Variants in KCNB2 observed in about 807,000 individuals in gnomAD.
KCNB2 encodes potassium voltage-gated channel subfamily B member 2.
A neutral mutation model predicts 61.5 loss-of-function variants in KCNB2; 15 were observed. The observed-to-expected ratio is 0.24, with a 90% CI of 0.16 to 0.38. KCNB2 has a LOEUF of 0.38. Ranked by LOEUF, KCNB2 falls within the 10% of genes least tolerant of loss-of-function variation. The probability of loss-of-function intolerance (pLI) is 1.00; values close to 1 mark genes in which losing one functional copy is unlikely to be tolerated. For missense variants in KCNB2, 828 were observed against 1,125.2 expected (o/e 0.74, Z 3.78); for synonymous variants, 457 against 446.0 (o/e 1.02, Z -0.31).
chr8:72,739,395 G>A (rs964539088), intron 2 of KCNB2, among the ~76,000 whole-genome samples: 2 of 152,078 alleles, frequency 1.3e-5, no homozygotes, highest in Non-Finnish European at 2.9e-5. Flanking sequence ...GACGAGTAGA[G>A]AAGTTTTTCA....
intron 2 of KCNB2, among the ~76,000 whole-genome samples, chr8:72,808,621 C>T (rs938791088): frequency 1.3e-5 from 2 of 152,058 alleles, no homozygotes; most frequent in African/African-American, 4.8e-5. Flanking sequence ...AAATATTAGC[C>T]ATGAAGCTTT....
chr8:72,936,522 T>G lies in KCNB2; in HGVS notation c.1167T>G (p.Pro389=). 2 of 1,614,226 alleles carry G rather than the reference T, an allele frequency of 1.2e-6. No individual in the cohort carries two copies. Among genetic ancestry groups the G allele is most frequent in the South Asian group, 2.2e-5 (2 of 91,082 alleles). ...MTTVGYGDIY[P]KTLLGKIVGG... ...CTGTTGGCTATGGTGACATTTACCCTAAAACATTACTAGGGAAAATTGTGG... is the reference window on the plus strand; with the variant it reads ...CTGTTGGCTATGGTGACATTTACCCGAAAACATTACTAGGGAAAATTGTGG... Residue 389 remains proline (P), a synonymous_variant, in exon 3 of 3, where the codon CCT becomes CCG. Coordinates refer to ENST00000523207, the MANE Select transcript of KCNB2 (RefSeq NM_004770.3). The surrounding 1 kb of genome is among the most constrained non-coding windows in gnomAD (Gnocchi z 5.6).
At chr8:72,751,006 A>G (rs1327073923) in intron 2 of KCNB2, 1 of 152,138 alleles carries the variant, frequency 6.6e-6, no homozygotes, top group Non-Finnish European at 1.5e-5. Flanking sequence ...ATCTGTCTCC[A>G]GTTACTCCTG....
At chr8:72,660,283 G>T (rs1242897012) in intron 2 of KCNB2, among the ~76,000 whole-genome samples, 2 of 152,142 alleles carry the variant, frequency 1.3e-5, no homozygotes, top group African/African-American at 2.4e-5. Context: ...GTCTGCCAGC[G>T]CATGGAGCCC....
At chr8:72,569,143 A>G (rs1208940448) in intron 2 of KCNB2, among the ~76,000 whole-genome samples, 1 of 152,140 alleles carries the variant, frequency 6.6e-6, no homozygotes, top group African/African-American at 2.4e-5. Flanking sequence ...TTCACTCCAT[A>G]TATTTAGTTC....
chr8:72,916,712 T>C (rs1806408112), intron 2 of KCNB2, among the ~76,000 whole-genome samples: 1 of 152,198 alleles, frequency 6.6e-6, no homozygotes, highest in Non-Finnish European at 1.5e-5. Flanking sequence ...GGAGATTTTA[T>C]TGTTAATGAA....
chr8:72,718,286 C>G (rs1807481893), intron 2 of KCNB2, among the ~76,000 whole-genome samples: 1 of 152,142 alleles, frequency 6.6e-6, no homozygotes, highest in African/African-American at 2.4e-5. Context: ...ACTAGAAATA[C>G]CATTTGACCC....
intron 2 of KCNB2, among the ~76,000 whole-genome samples, chr8:72,791,399 A>G (rs975437429): frequency 2.6e-5 from 4 of 152,086 alleles, no homozygotes; most frequent in Non-Finnish European, 5.9e-5. Flanking sequence ...AAAATAAAAA[A>G]TTAGCCAAGC....
intron 2 of KCNB2, among the ~76,000 whole-genome samples, chr8:72,722,555 T>C (rs1585853075): frequency 6.6e-6 from 1 of 152,328 alleles, no homozygotes; most frequent in East Asian, 1.9e-4. Context: ...TTTGTAGTAC[T>C]TGTCAGAGTT....
chr8:72,849,256 G>A (rs965365770), intron 2 of KCNB2, among the ~76,000 whole-genome samples: 5 of 151,610 alleles, frequency 3.3e-5, no homozygotes, highest in Middle Eastern at 6.9e-3. Context: ...GGTACATGGT[G>A]CTGTTTCAAT....
chr8:72,635,725 G>T (rs1324327690), intron 2 of KCNB2, among the ~76,000 whole-genome samples: 1 of 152,146 alleles, frequency 6.6e-6, no homozygotes, highest in Non-Finnish European at 1.5e-5. Context: ...TTGGTGTGTG[G>T]CATATAAAGA....
At chr8:72,897,267 G>C (rs1806007111) in intron 2 of KCNB2, among the ~76,000 whole-genome samples, 1 of 134,786 alleles carries the variant, frequency 7.4e-6, no homozygotes, top group African/African-American at 2.9e-5. Flanking sequence ...ACAAAATCAA[G>C]TGAAAATAAA....
rs191871343 is a variant in KCNB2, at chr8:72,809,181, T to C, written c.580-126754T>C. 8.5e-5 allele frequency among the ~76,000 whole-genome samples: 13 copies of C among 152,306 alleles called. No homozygotes were observed. The East Asian group carries it at 2.3e-3, about 27-fold the overall frequency. On this transcript the variant is annotated intron_variant, in intron 2 of 2. Coordinates refer to ENST00000523207, the MANE Select transcript of KCNB2 (RefSeq NM_004770.3). ...CTTTAGATCTAGTAAGGTACTCTCC[T>C]GTGTTTTCCTTTAAATGCCCAGATC...
At chr8:72,663,612 T>G (rs1806414829) in intron 2 of KCNB2, among the ~76,000 whole-genome samples, 1 of 152,128 alleles carries the variant, frequency 6.6e-6, no homozygotes, top group African/African-American at 2.4e-5. Context: ...CAAGAAAGGG[T>G]TCCATTGCTT....
At chr8:72,662,149 C>T (rs899557800) in intron 2 of KCNB2, among the ~76,000 whole-genome samples, 4 of 152,172 alleles carry the variant, frequency 2.6e-5, no homozygotes, top group African/African-American at 9.7e-5. Context: ...ACTCCCATAG[C>T]AATCCATGGG....
At chr8:72,650,244 CTAA>C (rs1447000994) in intron 2 of KCNB2, among the ~76,000 whole-genome samples, 1 of 152,146 alleles carries the variant, frequency 6.6e-6, no homozygotes, top group Non-Finnish European at 1.5e-5. Flanking sequence ...GTCCATTTAA[CTAA>C]TGATTCCAGA....
intron 2 of KCNB2, among the ~76,000 whole-genome samples, chr8:72,693,451 A>T (rs141424803): frequency 2.8e-4 from 42 of 152,128 alleles, no homozygotes; most frequent in Admixed American, 1.1e-3. Context: ...GGCTTGAGAG[A>T]CTGTGCCATA....
intron 2 of KCNB2, among the ~76,000 whole-genome samples, chr8:72,802,886 A>G (rs1018502523): frequency 2.0e-5 from 3 of 152,200 alleles, no homozygotes; most frequent in African/African-American, 4.8e-5. Flanking sequence ...TCACATCAAT[A>G]AAAGGTTTTC....
intron 2 of KCNB2, among the ~76,000 whole-genome samples, chr8:72,725,351 A>C (rs1162889044): frequency 1.1e-4 from 17 of 151,774 alleles, no homozygotes; most frequent in Middle Eastern, 3.4e-3. Context: ...AAGAACAAGA[A>C]GAGTTGTAGT....
Sources: allele counts gnomAD v4.1 joint callset (sites outside exome capture counted in the v4.1 genomes callset), GRCh38; gene constraint gnomAD v4.1.1; non-coding constraint Gnocchi (gnomAD v3.1); transcripts MANE v1.5; gene names NCBI Gene and HGNC (gene_info 2026-07-23, HGNC 2026-07-21).